Variants in ZFPM2 observed in about 807,000 individuals in gnomAD.
ZFPM2 encodes the protein zinc finger protein ZFPM2.
Under a neutral mutation model 98.6 loss-of-function variants are expected in ZFPM2, and 20 were observed. The ratio of observed to expected loss-of-function variants is 0.20; its 90% CI spans 0.14 to 0.29. The LOEUF is 0.29. ZFPM2 is among the 10% of genes least tolerant of loss of function. The probability of loss-of-function intolerance (pLI) is 1.00; values close to 1 mark genes in which losing one functional copy is unlikely to be tolerated. For missense variants in ZFPM2, 1,310 were observed against 1,388.6 expected (o/e 0.94, Z 0.90); for synonymous variants, 518 against 502.7 (o/e 1.03, Z -0.41).
intron 5 of ZFPM2, among the ~76,000 whole-genome samples, chr8:105,668,493 T>C (rs1214373727): frequency 6.6e-6 from 1 of 152,168 alleles, no homozygotes; most frequent in Non-Finnish European, 1.5e-5. Context: ...GAAGTATCCC[T>C]TTCTTGAGAA....
intron 3 of ZFPM2, among the ~76,000 whole-genome samples, chr8:105,488,615 T>G (rs1407885700): frequency 6.6e-6 from 1 of 151,834 alleles, no homozygotes. Context: ...AATACAAAAA[T>G]TAGCCGGGCA....
At chr8:105,508,252 A>G (rs1475714265) in intron 3 of ZFPM2, among the ~76,000 whole-genome samples, 1 of 152,120 alleles carries the variant, frequency 6.6e-6, no homozygotes. Context: ...CCAACCAGTA[A>G]CAGTTTCCTG....
intron 3 of ZFPM2, among the ~76,000 whole-genome samples, chr8:105,532,494 A>G (rs112808192): frequency 7.5e-4 from 114 of 152,306 alleles, no homozygotes; most frequent in Middle Eastern, 3.4e-3. Context: ...CAGCCATAAG[A>G]CATGATTCTT....
chr8:105,358,480 T>G (rs551482824), intron 1 of ZFPM2: 1 of 152,396 alleles, frequency 6.6e-6, no homozygotes, highest in African/African-American at 2.4e-5. Context: ...ATGATGGCAG[T>G]GCTAATCAAA....
intron 5 of ZFPM2, among the ~76,000 whole-genome samples, chr8:105,641,073 G>C (rs1358261151): frequency 6.6e-6 from 1 of 151,872 alleles, no homozygotes; most frequent in African/African-American, 2.4e-5. Context: ...GAGGTACTAA[G>C]GTTATTATCT....
At chr8:105,759,626 A>T (rs1011674489) in intron 5 of ZFPM2, among the ~76,000 whole-genome samples, 2 of 149,658 alleles carry the variant, frequency 1.3e-5, no homozygotes, top group Non-Finnish European at 1.5e-5. Context: ...ACATGTGTGT[A>T]TTCATTATTC....
At chr8:105,348,288 T>A (rs1036146904) in intron 1 of ZFPM2, among the ~76,000 whole-genome samples, 2 of 152,166 alleles carry the variant, frequency 1.3e-5, no homozygotes, top group African/African-American at 4.8e-5. Context: ...TTCTTTAAAG[T>A]CATTTGTATA....
At chr8:105,435,830 G>A (rs935719422) in intron 2 of ZFPM2, among the ~76,000 whole-genome samples, 5 of 152,020 alleles carry the variant, frequency 3.3e-5, no homozygotes, top group South Asian at 2.1e-4. Context: ...AAAGTAATTC[G>A]AAGATTTCAT....
chr8:105,590,023 T>G (rs1233010605), intron 4 of ZFPM2, among the ~76,000 whole-genome samples: 1 of 152,162 alleles, frequency 6.6e-6, no homozygotes, highest in Non-Finnish European at 1.5e-5. Context: ...CCCGGCTTCT[T>G]TAATTCATTT....
intron 4 of ZFPM2, among the ~76,000 whole-genome samples, chr8:105,579,694 C>T (rs866934813): frequency 6.6e-6 from 1 of 152,172 alleles, no homozygotes; most frequent in African/African-American, 2.4e-5. Flanking sequence ...GTCAGCCTCT[C>T]GTTGCACTGT....
intron 1 of ZFPM2, among the ~76,000 whole-genome samples, chr8:105,324,276 A>G (rs942291443): frequency 1.3e-5 from 2 of 151,838 alleles, no homozygotes; most frequent in Admixed American, 6.6e-5. Context: ...GCCTGTATCT[A>G]TTAATATATC....
chr8:105,800,029 G>A lies in ZFPM2; in HGVS notation c.965-1018G>A, dbSNP rs527694807. On this transcript the variant is annotated intron_variant, in intron 7 of 7. Coordinates refer to ENST00000407775, the MANE Select transcript of ZFPM2 (RefSeq NM_012082.4). ...CAGGGGAAGCAGAAACATATTGGTT[G>A]TCTCAGATGGTGAGTAAGGTCATGT... 5.8e-4 allele frequency among the ~76,000 whole-genome samples: 88 copies of A among 152,168 alleles called. No homozygotes were observed. In the Middle Eastern group the frequency reaches 0.017, roughly 29 times the overall value.
intron 5 of ZFPM2, among the ~76,000 whole-genome samples, chr8:105,707,263 A>C (rs10097137): frequency 8.7e-6 from 1 of 115,440 alleles, no homozygotes; most frequent in South Asian, 4.1e-4. Flanking sequence ...AAAGAAAAAG[A>C]AAAAAAAAGC....
At chr8:105,583,788 TGA>T (rs1815653511) in intron 4 of ZFPM2, among the ~76,000 whole-genome samples, 1 of 152,148 alleles carries the variant, frequency 6.6e-6, no homozygotes, top group African/African-American at 2.4e-5. Context: ...CCTGAAGGAA[TGA>T]GAGAAGTATT....
intron 1 of ZFPM2, among the ~76,000 whole-genome samples, chr8:105,348,694 G>A (rs141523021): frequency 1.4e-3 from 217 of 152,222 alleles, no homozygotes; most frequent in African/African-American, 5.1e-3. Flanking sequence ...ACAGGGGGCA[G>A]GTATAGCAGT....
intron 6 of ZFPM2, among the ~76,000 whole-genome samples, chr8:105,790,865 G>T (rs1316160533): frequency 6.6e-6 from 1 of 152,152 alleles, no homozygotes; most frequent in Non-Finnish European, 1.5e-5. Flanking sequence ...AATTGTGAAT[G>T]GGAGTTCACT....
chr8:105,679,833 A>G (rs1341353754), intron 5 of ZFPM2, among the ~76,000 whole-genome samples: 2 of 151,890 alleles, frequency 1.3e-5, no homozygotes, highest in South Asian at 4.1e-4. Flanking sequence ...ATGTATAAAA[A>G]CATTTTGTAA....
chr8:105,455,327 T>A (rs938623514), intron 3 of ZFPM2, among the ~76,000 whole-genome samples: 2 of 151,912 alleles, frequency 1.3e-5, no homozygotes, highest in Non-Finnish European at 2.9e-5. Context: ...GGACAGAACG[T>A]GGGAGGGGGG....
chr8:105,489,273 A>C (rs1338162745), intron 3 of ZFPM2, among the ~76,000 whole-genome samples: 1 of 151,548 alleles, frequency 6.6e-6, no homozygotes, highest in Non-Finnish European at 1.5e-5. Flanking sequence ...AAATTTGCCA[A>C]ATAATGTCGG....
Sources: allele counts gnomAD v4.1 joint callset (sites outside exome capture counted in the v4.1 genomes callset), GRCh38; gene constraint gnomAD v4.1.1; transcripts MANE v1.5; gene names NCBI Gene and HGNC (gene_info 2026-07-23, HGNC 2026-07-21).